The following SPC25 variants were observed in gnomAD, a reference collection of about 807,000 sequenced individuals.
SPC25 encodes SPC25 component of NDC80 kinetochore complex.
SPC25 carries 22 observed loss-of-function variants against 29.6 expected under a neutral mutation model. That is an observed-to-expected ratio of 0.74 (90% confidence interval 0.53 to 1.06). The LOEUF is 1.06. SPC25 is among the 50% of genes least tolerant of loss of function. The probability of loss-of-function intolerance (pLI) is 0.00; values close to 1 mark genes in which losing one functional copy is unlikely to be tolerated. For missense variants in SPC25, 230 were observed against 255.8 expected (o/e 0.90, Z 0.69); for synonymous variants, 91 against 90.4 (o/e 1.01, Z -0.04).
At chr2:168,870,343 C>T (rs1367580902), downstream of SPC25, among the ~76,000 whole-genome samples, 3 of 151,500 alleles carry the variant, frequency 2.0e-5, no homozygotes, top group South Asian at 2.1e-4. Context: ...CAACAAAAGC[C>T]GAAATTGACA....
chr2:168,875,896 A>C (rs1283711391), intron 5 of SPC25, among the ~76,000 whole-genome samples, 176 bp downstream of exon 5: 1 of 152,170 alleles, frequency 6.6e-6, no homozygotes, highest in African/African-American at 2.4e-5. Context: ...CGAATGATAA[A>C]TAACTACAGC....
At chr2:168,880,650 T>G (rs1227199373) in intron 3 of SPC25, among the ~76,000 whole-genome samples, 2 of 152,252 alleles carry the variant, frequency 1.3e-5, no homozygotes, top group Non-Finnish European at 2.9e-5. Flanking sequence ...TGACACACTT[T>G]CCCACTAAGC....
intron 5 of SPC25, 49 bp downstream of exon 5, chr2:168,876,023 A>C (rs1690078591): frequency 1.9e-6 from 2 of 1,066,760 alleles, no homozygotes; most frequent in Non-Finnish European, 2.5e-6. Flanking sequence ...ACTTAAGAAA[A>C]GACATACTTT....
At chr2:168,877,201 C>G (rs1479927883) in intron 4 of SPC25, 37 bp downstream of exon 4, 2 of 1,602,792 alleles carry the variant, frequency 1.2e-6, no homozygotes, top group Admixed American at 3.4e-5. Flanking sequence ...TCACCACTTT[C>G]CATTTTAGAT....
chr2:168,873,717 G>A (rs1297308073), intron 5 of SPC25, 34 bp from the exon 6 acceptor site: 11 of 1,393,896 alleles, frequency 7.9e-6, no homozygotes, highest in Non-Finnish European at 8.1e-6. Flanking sequence ...GTGTGTCAAA[G>A]CTTTCAATGG....
chr2:168,864,856 GAAA>G (rs752189148), intron 4 of SPC25: 2 of 1,613,856 alleles, frequency 1.2e-6, no homozygotes, highest in Non-Finnish European at 1.7e-6. Context: ...TTATACACGA[GAAA>G]AAAGAAGGAG....
chr2:168,867,850 A>C (rs377060365), downstream of SPC25, among the ~76,000 whole-genome samples: 2 of 140,838 alleles, frequency 1.4e-5, no homozygotes, highest in African/African-American at 5.4e-5. Flanking sequence ...TGCACCAAGC[A>C]GACCTAATAG....
chr2:168,880,815 T>A (rs1436297475), intron 3 of SPC25, among the ~76,000 whole-genome samples: 1 of 152,210 alleles, frequency 6.6e-6, no homozygotes, highest in Non-Finnish European at 1.5e-5. Flanking sequence ...GAATGGCTGG[T>A]CAGCAGAGCA....
chr2:168,870,806 TC>T (rs1689964718), downstream of SPC25: 1 of 151,590 alleles, frequency 6.6e-6, no homozygotes, highest in African/African-American at 2.4e-5. Flanking sequence ...TGGCGATTCC[TC>T]AGGGACCTAG....
intron 4 of SPC25, chr2:168,863,262 T>C (rs1212606998): frequency 3.4e-6 from 1 of 293,710 alleles, no homozygotes; most frequent in Admixed American, 6.5e-5. Flanking sequence ...ATTATGTCAA[T>C]TTACTGACGA....
downstream of SPC25, among the ~76,000 whole-genome samples, chr2:168,866,849 G>A (rs1689866738): frequency 6.6e-6 from 1 of 152,010 alleles, no homozygotes; most frequent in South Asian, 2.1e-4. Context: ...AGACATTTAT[G>A]CAGCCAAAAA....
At chr2:168,867,439 G>A (rs1421281361), downstream of SPC25, among the ~76,000 whole-genome samples, 1 of 152,202 alleles carries the variant, frequency 6.6e-6, no homozygotes, top group Non-Finnish European at 1.5e-5. Context: ...GCACAGACTG[G>A]CAAATTGGAT....
chr2:168,876,236 G>T (rs1690085334), intron 4 of SPC25, 60 bp from the exon 5 acceptor site: 1 of 1,179,804 alleles, frequency 8.5e-7, no homozygotes, highest in African/African-American at 1.6e-5. Context: ...AATGCTCACT[G>T]AGTTAATTTT....
At chr2:168,865,034 G>T (rs953170793) in intron 4 of SPC25, 1 of 1,552,350 alleles carries the variant, frequency 6.4e-7, no homozygotes, top group Non-Finnish European at 8.8e-7. Flanking sequence ...GTTCAAATAA[G>T]AATAAAGTGC....
intron 4 of SPC25, among the ~76,000 whole-genome samples, chr2:168,862,370 C>A (rs1689515497): frequency 6.6e-6 from 1 of 151,854 alleles, no homozygotes; most frequent in Admixed American, 6.6e-5. Context: ...TGGCTAATGT[C>A]ACAGGCTGTG....
intron 3 of SPC25, among the ~76,000 whole-genome samples, chr2:168,879,098 G>T (rs908507478): frequency 1.3e-5 from 2 of 152,178 alleles, no homozygotes; most frequent in African/African-American, 2.4e-5. Flanking sequence ...CAGGGGGAGG[G>T]TCTTGCCTTG....
intron 4 of SPC25, chr2:168,864,929 G>GAGTT (rs750791844): frequency 3.1e-6 from 5 of 1,614,090 alleles, no homozygotes; most frequent in Non-Finnish European, 4.2e-6. Flanking sequence ...TTATGTGGAG[G>GAGTT]AGTTACCTTC....
intron 4 of SPC25, among the ~76,000 whole-genome samples, chr2:168,863,118 G>A (rs899953280): frequency 5.3e-5 from 8 of 152,112 alleles, no homozygotes; most frequent in African/African-American, 1.9e-4. Context: ...CTTGTTTTCA[G>A]TTCTCTGTTG....
downstream of SPC25, among the ~76,000 whole-genome samples, chr2:168,868,491 C>G (rs1362847192): frequency 6.6e-6 from 1 of 152,040 alleles, no homozygotes; most frequent in East Asian, 1.9e-4. Flanking sequence ...AGAGAAGAAT[C>G]AAATAGACGC....
Sources: gnomAD v4.1 joint callset for allele counts (sites outside exome capture counted in the v4.1 genomes callset) on GRCh38, gnomAD v4.1.1 for gene constraint, MANE v1.5 for transcripts, NCBI Gene and HGNC (gene_info 2026-07-23, HGNC 2026-07-21) for gene names.